The following PLEKHS1 variants were observed in gnomAD, a reference collection of about 807,000 sequenced individuals.
PLEKHS1 encodes the protein pleckstrin homology domain containing S1, also known as pleckstrin homology domain-containing family S member 1.
In PLEKHS1, 55 loss-of-function variants were observed where a neutral mutation model predicts 51.0. The ratio of observed to expected loss-of-function variants is 1.08; its 90% CI spans 0.87 to 1.35. The LOEUF (loss-of-function observed/expected upper bound fraction) is 1.35. PLEKHS1 is among the 40% of genes most tolerant of loss of function. PLEKHS1 has a pLI of 0.00. For missense variants in PLEKHS1, 398 were observed against 423.0 expected (o/e 0.94, Z 0.52); for synonymous variants, 153 against 144.8 (o/e 1.06, Z -0.41).
intron 6 of PLEKHS1, among the ~76,000 whole-genome samples, chr10:113,769,331 AG>A: frequency 6.6e-6 from 1 of 152,348 alleles, no homozygotes; most frequent in East Asian, 1.9e-4. Flanking sequence ...TTATTTCAAA[AG>A]GGCCTCTGCT....
At chr10:113,776,168 C>A (rs868824767) in intron 11 of PLEKHS1, among the ~76,000 whole-genome samples, 2 of 152,136 alleles carry the variant, frequency 1.3e-5, no homozygotes, top group Non-Finnish European at 2.9e-5. Context: ...CCAAGGACAT[C>A]ATTTCCAATC....
At chr10:113,772,725 A>G (rs1844468123) in intron 8 of PLEKHS1, among the ~76,000 whole-genome samples, 1 of 152,220 alleles carries the variant, frequency 6.6e-6, no homozygotes, top group South Asian at 2.1e-4. Flanking sequence ...AGAGTCAAGG[A>G]AGGCTTCTGG....
At chr10:113,780,421 T>G (rs1195228170) in intron 11 of PLEKHS1, among the ~76,000 whole-genome samples, 181 bp from the exon 13 acceptor site, 1 of 152,088 alleles carries the variant, frequency 6.6e-6, no homozygotes, top group East Asian at 1.9e-4. Context: ...AAAATAAAAA[T>G]CCACCTTCCA....
intron 1 of PLEKHS1, among the ~76,000 whole-genome samples, chr10:113,753,423 C>T (rs1853943591): frequency 6.6e-6 from 1 of 152,206 alleles, no homozygotes; most frequent in African/African-American, 2.4e-5. Context: ...TTCTCTTTCT[C>T]ACACAGAATT....
intron 7 of PLEKHS1, among the ~76,000 whole-genome samples, chr10:113,771,669 T>C (rs4572085): frequency 0.71 from 98,421 of 138,626 alleles, 35,719 homozygotes; most frequent in Non-Finnish European, 0.78. Flanking sequence ...AGTGAGACTC[T>C]GTCTCAAAAA....
chr10:113,763,930 T>C lies in PLEKHS1; in HGVS notation c.29-2481T>C, dbSNP rs1238801910. On this transcript the variant is annotated intron_variant, in intron 2 of 11. Coordinates refer to ENST00000361048, the Ensembl canonical transcript of PLEKHS1. ...GATTTTTATGTTATCATTTCCCTTC[T>C]TCCTGGACTTCCCTTCACATTTTTT... 5.9e-5 allele frequency among the ~76,000 whole-genome samples: 9 copies of C among 152,338 alleles called. No individual in the cohort carries two copies. The East Asian group carries it at 1.7e-3, about 29-fold the overall frequency.
intron 7 of PLEKHS1, 67 bp downstream of exon 7, chr10:113,769,967 C>A: frequency 9.0e-7 from 1 of 1,114,760 alleles, no homozygotes; most frequent in Non-Finnish European, 1.4e-6. Flanking sequence ...AAAATCTTAC[C>A]AATTAGCAAT....
intron 6 of PLEKHS1, 73 bp downstream of exon 6, chr10:113,768,963 T>A (rs1844283723): frequency 8.6e-7 from 1 of 1,168,982 alleles, no homozygotes; most frequent in African/African-American, 1.6e-5. Flanking sequence ...CAATGGTAGC[T>A]TTCCTTTGCC....
At chr10:113,756,228 G>C (rs1854105407) in intron 2 of PLEKHS1, among the ~76,000 whole-genome samples, 1 of 152,206 alleles carries the variant, frequency 6.6e-6, no homozygotes, top group African/African-American at 2.4e-5. Context: ...GTTGGTGGGA[G>C]GCTGAGGCAG....
At chr10:113,763,949 A>G (rs1844053393) in intron 2 of PLEKHS1, among the ~76,000 whole-genome samples, 1 of 152,058 alleles carries the variant, frequency 6.6e-6, no homozygotes, top group Admixed American at 6.6e-5. Flanking sequence ...TTCCCTTCAC[A>G]TTTTTTATAC....
At chr10:113,782,051 T>G (rs1844883365) in exon 12 of PLEKHS1, 1 of 152,212 alleles carries the variant, frequency 6.6e-6, no homozygotes, top group Non-Finnish European at 1.5e-5. Context: ...ATTGACTAAT[T>G]GATCCTGGAA....
At chr10:113,774,034 T>C (rs1325526028) in intron 8 of PLEKHS1, among the ~76,000 whole-genome samples, 193 bp from the exon 9 acceptor site, 1 of 152,218 alleles carries the variant, frequency 6.6e-6, no homozygotes, top group Non-Finnish European at 1.5e-5. Flanking sequence ...AAATTGACTT[T>C]GAGTCCTCCA....
In PLEKHS1 at chr10:113,775,920, GA is replaced by G. The variant is rs1188006017; in HGVS notation, c.1091+55del. The G allele has an allele frequency of 1.2e-4, 158 of 1,340,678 alleles. 1 individual carries two copies. Among genetic ancestry groups the G allele is most frequent in the Non-Finnish European group, 1.6e-4 (155 of 952,372 alleles). The allele number at this position is 1,340,678 out of a possible 1,614,324, so 83.0% of individuals were successfully genotyped here. A position where few individuals can be genotyped will look rare whatever the true frequency, so the allele number is the denominator to read the frequency against. ...TATAAATGGGGCTGGAAGCTTTGAAGAGAACAATTACATCTTGAAACAGTGT... is the reference window on the plus strand; with the variant it reads ...TATAAATGGGGCTGGAAGCTTTGAAGGAACAATTACATCTTGAAACAGTGT... On this transcript the variant is annotated intron_variant, in intron 11 of 11. Transcript: ENST00000361048.
At chr10:113,759,195 G>C (rs1200780927) in intron 2 of PLEKHS1, among the ~76,000 whole-genome samples, 1 of 152,196 alleles carries the variant, frequency 6.6e-6, no homozygotes, top group South Asian at 2.1e-4. Flanking sequence ...CTTGAGGTCA[G>C]GAGTTCAAGA....
At chr10:113,779,518 C>T (rs575007276) in intron 11 of PLEKHS1, among the ~76,000 whole-genome samples, 2 of 150,454 alleles carry the variant, frequency 1.3e-5, no homozygotes, top group East Asian at 2.0e-4. Flanking sequence ...TGCAGTGAGC[C>T]GAGATTGCAC....
At chr10:113,770,052 A>T in intron 7 of PLEKHS1, 152 bp downstream of exon 7, 1 of 671,346 alleles carries the variant, frequency 1.5e-6, no homozygotes, top group African/African-American at 1.8e-5. Flanking sequence ...TGTTTATCCC[A>T]TACCACAGAT....
At position 113,763,208 on chromosome 10, in the gene PLEKHS1, G is replaced by A. The variant is rs560517316; in HGVS notation, c.29-3203G>A. ...TATGAAATGATATTCTTTGTCCTTGGTAATATTATTTGCTTTAAAATCTAC... is the reference window on the plus strand; with the variant it reads ...TATGAAATGATATTCTTTGTCCTTGATAATATTATTTGCTTTAAAATCTAC... On this transcript the variant is annotated intron_variant, in intron 2 of 11. Transcript: ENST00000361048. 1.6e-4 allele frequency among the ~76,000 whole-genome samples: 24 copies of A among 152,070 alleles called. No homozygotes were observed. The South Asian group carries it at 5.0e-3, about 32-fold the overall frequency.
chr10:113,768,673 C>T, intron 5 of PLEKHS1, 142 bp from the exon 6 acceptor site: 1 of 562,760 alleles, frequency 1.8e-6, no homozygotes, highest in South Asian at 2.7e-5. Context: ...GGTGGCGAGG[C>T]CATTTAAGCT....
chr10:113,765,645 AT>A (rs1273173999), intron 2 of PLEKHS1, among the ~76,000 whole-genome samples: 4 of 152,214 alleles, frequency 2.6e-5, no homozygotes, highest in Non-Finnish European at 5.9e-5. Context: ...CAGTTTTAAT[AT>A]TTTCTATATT....
Sources: allele counts gnomAD v4.1 joint callset (sites outside exome capture counted in the v4.1 genomes callset), GRCh38; gene constraint gnomAD v4.1.1; transcripts MANE v1.5; gene names NCBI Gene and HGNC (gene_info 2026-07-23, HGNC 2026-07-21).